BDP1: variants seen among roughly 807,000 people sequenced by gnomAD.
The protein encoded by BDP1 is BDP1 general transcription factor IIIB subunit.
Under a neutral mutation model 266.6 loss-of-function variants are expected in BDP1, and 169 were observed. That is an observed-to-expected ratio of 0.63 (90% confidence interval 0.56 to 0.72). The LOEUF is 0.72. Among genes scored for constraint, BDP1 ranks in the 30% least tolerant of loss-of-function variants. The probability of loss-of-function intolerance (pLI) is 0.00; values close to 1 mark genes in which losing one functional copy is unlikely to be tolerated. For synonymous variants in BDP1, 1,090 were observed against 1,022.4 expected (o/e 1.07, Z -1.26); for missense variants, 3,015 against 3,053.8 (o/e 0.99, Z 0.30).
At chr5:71,532,571 A>C (rs1766311026) in intron 26 of BDP1, 144 bp downstream of exon 26, 1 of 670,196 alleles carries the variant, frequency 1.5e-6, no homozygotes, top group African/African-American at 1.8e-5. Context: ...TGAGTAGTAA[A>C]AACTAGTGAA....
chr5:71,506,995 AT>A (rs1448643917), intron 16 of BDP1, among the ~76,000 whole-genome samples: 4 of 151,682 alleles, frequency 2.6e-5, no homozygotes, highest in Non-Finnish European at 5.9e-5. Flanking sequence ...TAATTTTTAA[AT>A]TTTTTTGTAG....
At chr5:71,457,590 G>C (rs890161111) in intron 1 of BDP1, among the ~76,000 whole-genome samples, 5 of 152,120 alleles carry the variant, frequency 3.3e-5, no homozygotes, top group Non-Finnish European at 7.4e-5. Context: ...TGGGGTTACA[G>C]GTGTGAGCCA....
intron 38 of BDP1, among the ~76,000 whole-genome samples, chr5:71,563,723 G>GA (rs1743839869): frequency 6.6e-6 from 1 of 152,156 alleles, no homozygotes; most frequent in Non-Finnish European, 1.5e-5. Context: ...GACCAGCCTG[G>GA]CCAACATGGC....
chr5:71,553,075 T>A (rs766799180), intron 34 of BDP1, 41 bp from the exon 35 acceptor site: 16 of 1,488,556 alleles, frequency 1.1e-5, no homozygotes, highest in Middle Eastern at 2.4e-4. Flanking sequence ...GTTAAATAAC[T>A]TCTAATTCAG....
At chr5:71,462,390 A>G (rs989274640) in intron 3 of BDP1, among the ~76,000 whole-genome samples, 1 of 152,222 alleles carries the variant, frequency 6.6e-6, no homozygotes, top group Admixed American at 6.5e-5. Flanking sequence ...TTTCATAACA[A>G]AAAGTAGCAG....
intron 7 of BDP1, chr5:71,475,699 A>T (rs1303413062): frequency 6.5e-6 from 1 of 153,166 alleles, no homozygotes; most frequent in African/African-American, 2.4e-5. Context: ...AATTGTATGA[A>T]TTCCTATCTG....
At chr5:71,490,765 A>G (rs761705366) in intron 10 of BDP1, among the ~76,000 whole-genome samples, 5 of 152,200 alleles carry the variant, frequency 3.3e-5, no homozygotes, top group Admixed American at 1.3e-4. Flanking sequence ...ATTTAAGATA[A>G]AAGGAAGATG....
intron 30 of BDP1, among the ~76,000 whole-genome samples, chr5:71,544,013 C>T (rs1008426709): frequency 6.6e-6 from 1 of 152,326 alleles, no homozygotes; most frequent in East Asian, 1.9e-4. Context: ...TCCAAGACTT[C>T]CTCTAAAGTG....
chr5:71,485,019 A>G (rs1335390821), intron 8 of BDP1, among the ~76,000 whole-genome samples: 2 of 152,216 alleles, frequency 1.3e-5, no homozygotes, highest in Non-Finnish European at 2.9e-5. Flanking sequence ...AGCCCATTCC[A>G]TATTAGAGAA....
intron 38 of BDP1, chr5:71,562,732 A>T: frequency 6.8e-7 from 1 of 1,463,862 alleles, no homozygotes; most frequent in Non-Finnish European, 9.1e-7. Context: ...GAGCCATTGA[A>T]CTAACCATAA....
At chr5:71,470,558 C>A in intron 7 of BDP1, 69 bp downstream of exon 7, 1 of 991,942 alleles carries the variant, frequency 1.0e-6, no homozygotes, top group Non-Finnish European at 1.5e-6. Context: ...TAGTATTATT[C>A]GCTTACCTTT....
chr5:71,503,099 T>C (rs1580087959), intron 15 of BDP1, among the ~76,000 whole-genome samples: 1 of 151,388 alleles, frequency 6.6e-6, no homozygotes, highest in African/African-American at 2.4e-5. Context: ...TGATCTATAA[T>C]GTTTTTGTAT....
chr5:71,483,950 C>A (rs1763110150), intron 8 of BDP1, 54 bp downstream of exon 8: 1 of 1,382,158 alleles, frequency 7.2e-7, no homozygotes, highest in African/African-American at 1.4e-5. Context: ...TAAAAAATGA[C>A]CAGTCTTTTG....
In BDP1 at chr5:71,464,092, C is replaced by A; in HGVS notation, c.634C>A (p.Pro212Thr). Residue 212 changes from proline to threonine, a missense_variant, in exon 4 of 39, where the codon CCA becomes ACA. Physicochemically the swap from Pro to Thr is conservative, Grantham distance 38. Around this residue, in one of 3 missense-constraint regions of BDP1, gnomAD observed 2,383 missense variants for 2,404.9 expected, o/e 0.99. Coordinates refer to ENST00000358731, the MANE Select transcript of BDP1 (RefSeq NM_018429.3). ...GGAACAAGAAAAGAAAACTGAAAAGCCATCGACTCCAGTCCAGACAAGAGA... is the reference window on the plus strand; with the variant it reads ...GGAACAAGAAAAGAAAACTGAAAAGACATCGACTCCAGTCCAGACAAGAGA... ...SLEQEKKTEK[P>T]STPVQTREQE... The A allele has an allele frequency of 6.3e-7, 1 of 1,579,276 alleles. No homozygotes were observed. Among genetic ancestry groups the A allele is most frequent in the Admixed American group, 1.8e-5 (1 of 55,062 alleles).
chr5:71,551,770 G>A (rs897537905), intron 34 of BDP1, among the ~76,000 whole-genome samples: 1 of 149,704 alleles, frequency 6.7e-6, no homozygotes, highest in African/African-American at 2.5e-5. Flanking sequence ...CTGGCCGGGA[G>A]GGGGGCTGAC....
At chr5:71,522,119 C>T (rs1765524687) in intron 22 of BDP1, among the ~76,000 whole-genome samples, 170 bp from the exon 23 acceptor site, 5 of 152,136 alleles carry the variant, frequency 3.3e-5, no homozygotes, top group Admixed American at 3.3e-4. Context: ...AAGTTCTTTT[C>T]ATATCAGCAA....
intron 32 of BDP1, among the ~76,000 whole-genome samples, chr5:71,547,492 G>T (rs1236581514): frequency 6.6e-6 from 1 of 152,138 alleles, no homozygotes; most frequent in Non-Finnish European, 1.5e-5. Context: ...GGCTAGAATG[G>T]TACCTACCAG....
intron 25 of BDP1, among the ~76,000 whole-genome samples, chr5:71,531,213 C>T (rs765263963): frequency 2.0e-5 from 3 of 152,108 alleles, no homozygotes; most frequent in Admixed American, 6.6e-5. Flanking sequence ...GCCATCATCG[C>T]ACCACCGCAG....
chr5:71,514,827 T>A (rs972060437), intron 19 of BDP1, 117 bp from the exon 20 acceptor site: 6 of 572,348 alleles, frequency 1.0e-5, no homozygotes, highest in Non-Finnish European at 1.8e-5. Context: ...GAATTTAGAA[T>A]TTTGGTATAG....
Sources: gnomAD v4.1 joint callset for allele counts (sites outside exome capture counted in the v4.1 genomes callset) on GRCh38, gnomAD v4.1.1 for gene constraint, gnomAD v4.1.1 regional missense constraint, MANE v1.5 for transcripts, NCBI Gene and HGNC (gene_info 2026-07-23, HGNC 2026-07-21) for gene names.